ITPR2: variants seen among roughly 807,000 people sequenced by gnomAD.
The protein encoded by ITPR2 is inositol 1,4,5-trisphosphate-gated calcium channel ITPR2.
A neutral mutation model predicts 317.1 loss-of-function variants in ITPR2; 207 were observed. That is an observed-to-expected ratio of 0.65 (90% CI 0.58 to 0.73). The LOEUF (loss-of-function observed/expected upper bound fraction) is 0.73, where lower values mean the gene tolerates loss of function less well. Among genes scored for constraint, ITPR2 ranks in the 30% least tolerant of loss-of-function variants. ITPR2 has a pLI of 0.00. For synonymous variants in ITPR2, 1,156 were observed against 1,149.1 expected (o/e 1.01, Z -0.12); for missense variants, 2,613 against 3,284.0 (o/e 0.80, Z 4.99).
rs1364806483 is a variant in ITPR2 at position 26,411,411 on chromosome 12, G to A, written c.7308C>T (p.Gly2436=). The A allele has an allele frequency of 6.2e-7, 1 of 1,603,866 alleles. No homozygotes were observed. Among genetic ancestry groups the A allele is most frequent in the East Asian group, 2.2e-5 (1 of 44,736 alleles). The change falls in exon 52 of 57, where the codon GGC becomes GGT. Residue 2436 remains glycine, a splice_region_variant and synonymous_variant. Coordinates refer to ENST00000381340, the MANE Select transcript of ITPR2 (RefSeq NM_002223.4). ...DRLKNRTPVT[G]SHQVPTMTLT... ...AAGTCATAGTAGGCACTTGATGACT[G>A]CCTAAGAAAATACAAAGTAGTATAT...
In ITPR2 at chr12:26,484,482, C is replaced by T. The variant is rs542019226; in HGVS notation, c.5812-584G>A. Among the ~76,000 whole-genome samples, 3 of 152,192 alleles carry T rather than the reference C, an allele frequency of 2.0e-5. No individual in the cohort carries two copies. In the South Asian group the frequency reaches 6.2e-4, roughly 32 times the overall value. On this transcript the variant is annotated intron_variant, in intron 41 of 56. Coordinates refer to ENST00000381340, the MANE Select transcript of ITPR2 (RefSeq NM_002223.4). ...TTTTCTAGATATATGTACATAAGTACACCAACAGGTTCTCTGCATACTGCT... is the reference window on the plus strand; with the variant it reads ...TTTTCTAGATATATGTACATAAGTATACCAACAGGTTCTCTGCATACTGCT...
At chr12:26,797,844 A>G (rs1782931595) in intron 1 of ITPR2, among the ~76,000 whole-genome samples, 1 of 151,340 alleles carries the variant, frequency 6.6e-6, no homozygotes, top group Non-Finnish European at 1.5e-5. Flanking sequence ...GGTGCACACT[A>G]CCACACCCGG....
At chr12:26,345,386 T>C (rs927224610) in intron 55 of ITPR2, among the ~76,000 whole-genome samples, 6 of 152,200 alleles carry the variant, frequency 3.9e-5, no homozygotes, top group Non-Finnish European at 5.9e-5. Flanking sequence ...TTTTTTCCTA[T>C]ATATACATAT....
chr12:26,680,603 C>T (rs1171102394), intron 13 of ITPR2, among the ~76,000 whole-genome samples: 2 of 152,142 alleles, frequency 1.3e-5, no homozygotes, highest in African/African-American at 2.4e-5. Flanking sequence ...CAATCAAATA[C>T]ATTTTGTTAC....
intron 45 of ITPR2, among the ~76,000 whole-genome samples, chr12:26,452,149 T>C (rs1941756306): frequency 1.3e-5 from 2 of 152,138 alleles, no homozygotes; most frequent in Non-Finnish European, 2.9e-5. Context: ...GCCCTCCAAG[T>C]GATTTCAATC....
intron 55 of ITPR2, among the ~76,000 whole-genome samples, chr12:26,346,861 G>A (rs1385470460): frequency 6.6e-6 from 1 of 152,136 alleles, no homozygotes; most frequent in East Asian, 1.9e-4. Context: ...ACCCTAGGTG[G>A]TGTCTGTGTC....
chr12:26,545,716 C>T (rs1327637703), intron 37 of ITPR2, among the ~76,000 whole-genome samples: 1 of 152,190 alleles, frequency 6.6e-6, no homozygotes, highest in Non-Finnish European at 1.5e-5. Context: ...ATTGGTTGTA[C>T]AATAGTATCT....
At position 26,797,984 on chromosome 12, in the gene ITPR2, G is replaced by A. The variant is rs540882152; in HGVS notation, c.93-7757C>T. On this transcript the variant is annotated intron_variant, in intron 1 of 56. Transcript: ENST00000381340. ...TGGGATTACAGGTGTGAGCCACTGC[G>A]CCCAGCAGAATTGTCTTTAAAAGAA... Among the ~76,000 whole-genome samples, 585 of 152,096 alleles carry A rather than the reference G, an allele frequency of 3.8e-3. 3 individuals are homozygous for A. The highest frequency in any genetic ancestry group is 0.013 in the African/African-American group (552 of 41,484).
intron 1 of ITPR2, among the ~76,000 whole-genome samples, chr12:26,828,104 G>A (rs1157004327): frequency 6.6e-6 from 1 of 152,128 alleles, no homozygotes; most frequent in African/African-American, 2.4e-5. Context: ...ATACTGACAT[G>A]AAAAAAGAAT....
chr12:26,540,228 T>A (rs990158359), intron 37 of ITPR2, among the ~76,000 whole-genome samples: 1 of 152,136 alleles, frequency 6.6e-6, no homozygotes, highest in Non-Finnish European at 1.5e-5. Context: ...AAAGAAAACC[T>A]TCATAAGGCA....
intron 9 of ITPR2, among the ~76,000 whole-genome samples, chr12:26,697,866 G>A (rs886201590): frequency 1.3e-5 from 2 of 151,554 alleles, no homozygotes; most frequent in African/African-American, 4.8e-5. Context: ...GAGAAGTTAT[G>A]GAATTTCTTC....
intron 34 of ITPR2, among the ~76,000 whole-genome samples, chr12:26,569,411 G>T (rs373453069): frequency 2.0e-5 from 3 of 151,720 alleles, no homozygotes; most frequent in African/African-American, 7.3e-5. Flanking sequence ...AAAATTAGCC[G>T]GGTGTGGCAG....
rs112776656 is a variant in ITPR2 at position 26,814,532 on chromosome 12, G to C, written c.92+18158C>G. Among the ~76,000 whole-genome samples the C allele has an allele frequency of 2.6e-5, 4 of 152,196 alleles. 1 individual carries two copies. Among genetic ancestry groups the C allele is most frequent in the African/African-American group, 9.6e-5 (4 of 41,528 alleles). ...CTTTGCAAGCTCTTCTCCACCACCA[G>C]GTACTCCAGAATCCCTAGAAATAGC... On this transcript the variant is annotated intron_variant, in intron 1 of 56. Coordinates refer to ENST00000381340, the MANE Select transcript of ITPR2 (RefSeq NM_002223.4).
At chr12:26,628,539 A>C (rs1156706009) in intron 22 of ITPR2, among the ~76,000 whole-genome samples, 3 of 152,158 alleles carry the variant, frequency 2.0e-5, no homozygotes, top group African/African-American at 4.8e-5. Flanking sequence ...TCATTCTTAC[A>C]CAGTAGGGCA....
Position 26,595,132 on chromosome 12 carries a change from A to C in ITPR2, c.4380+333T>G, listed in dbSNP as rs74488298. Among the ~76,000 whole-genome samples the C allele has an allele frequency of 9.9e-3, 1,504 of 152,348 alleles. 29 individuals carry two copies. Among genetic ancestry groups the C allele is most frequent in the African/African-American group, 0.035 (1,441 of 41,576 alleles). ...TGTGCTTTGTAATTGCACTTAGAAT[A>C]AGAGATTAAATGCAAATTGACCTCT... On this transcript the variant is annotated intron_variant, in intron 32 of 56. Coordinates refer to ENST00000381340, the MANE Select transcript of ITPR2 (RefSeq NM_002223.4).
intron 54 of ITPR2, among the ~76,000 whole-genome samples, chr12:26,391,807 T>TG (rs1042460997): frequency 2.8e-4 from 43 of 152,114 alleles, no homozygotes; most frequent in Admixed American, 5.9e-4. Context: ...TCAGCTTATA[T>TG]GCTCGCCTCG....
chr12:26,451,526 A>G (rs74695471), intron 45 of ITPR2, among the ~76,000 whole-genome samples: 9,590 of 152,198 alleles, frequency 0.063, 441 homozygotes, highest in Non-Finnish European at 0.09. Context: ...AAAATATTGT[A>G]AGTTATATTT....
intron 1 of ITPR2, among the ~76,000 whole-genome samples, chr12:26,811,530 G>A (rs997047866): frequency 1.3e-5 from 2 of 152,084 alleles, no homozygotes; most frequent in Admixed American, 1.3e-4. Flanking sequence ...CGGATCACGA[G>A]GTCAGGAGAT....
Position 26,597,225 on chromosome 12 carries a change from A to G in ITPR2, c.4003-91T>C, listed in dbSNP as rs542984468. ...GCTTGATATATCTGGAAACACGTAT[A>G]TCTCTTCGTAAAAACATATATAATA... is the stretch of plus-strand genomic sequence containing the variant. On this transcript the variant is annotated intron_variant, in intron 30 of 56. Coordinates refer to ENST00000381340, the MANE Select transcript of ITPR2 (RefSeq NM_002223.4). The G allele has an allele frequency of 3.6e-5, 48 of 1,348,644 alleles. No individual in the cohort carries two copies. In the African/African-American group the frequency reaches 5.9e-4, roughly 16 times the overall value. 83.5% of individuals were successfully genotyped at this position (1,348,644 alleles called of 1,614,324 possible).
Sources: allele counts gnomAD v4.1 joint callset (sites outside exome capture counted in the v4.1 genomes callset), GRCh38; gene constraint gnomAD v4.1.1; transcripts MANE v1.5; gene names NCBI Gene and HGNC (gene_info 2026-07-23, HGNC 2026-07-21).